LARP1: variants seen among roughly 807,000 people sequenced by gnomAD.
LARP1 encodes the protein La ribonucleoprotein 1, translational regulator.
In LARP1, 36 loss-of-function variants were observed where a neutral mutation model predicts 122.7. The observed-to-expected ratio is 0.29, with a 90% CI of 0.22 to 0.39. LARP1 has a LOEUF of 0.39. Ranked by LOEUF, LARP1 falls within the 10% of genes least tolerant of loss-of-function variation. LARP1 has a pLI of 1.00. For synonymous variants in LARP1, 539 were observed against 528.7 expected (o/e 1.02, Z -0.27); for missense variants, 1,040 against 1,403.6 (o/e 0.74, Z 4.14).
chr5:154,793,808 T>A lies in LARP1; in HGVS notation c.877T>A (p.Ser293Thr). 2 of 1,614,034 alleles carry A rather than the reference T, an allele frequency of 1.2e-6. No individual in the cohort carries two copies. The highest frequency in any genetic ancestry group is 1.7e-6 in the Non-Finnish European group (2 of 1,179,984). Residue 293 changes from serine (S) to threonine (T), a missense_variant, in exon 6 of 19, where the codon TCT becomes ACT. Physicochemically the swap from Ser to Thr is moderately conservative, Grantham distance 58 (BLOSUM62 1). This residue lies in a region of LARP1 where 178 missense variants were observed against 178.3 expected (regional missense o/e 1.00). Transcript: ENST00000518297. ...TACCCCTCTCCCCATAGGGTCTGAG[T>A]CTGCCACCTACGTGCCCGTGGCCCC... The part of the protein sequence containing the change: ...ANRGEIKGSE[S>T]ATYVPVAPPT...
chr5:154,698,598 A>AAAATAAAT (rs374624756), intron 1 of LARP1, among the ~76,000 whole-genome samples: 2 of 152,292 alleles, frequency 1.3e-5, no homozygotes, highest in African/African-American at 4.8e-5. Context: ...GCTGTGTCTC[A>AAAATAAAT]AAATAAATAA....
chr5:154,767,477 CAG>C (rs891173929), intron 1 of LARP1, among the ~76,000 whole-genome samples: 3 of 152,156 alleles, frequency 2.0e-5, no homozygotes, highest in African/African-American at 7.2e-5. Context: ...CGTGAACTCT[CAG>C]AGCCAGTTTT....
At chr5:154,756,837 C>T (rs77952277) in intron 1 of LARP1, among the ~76,000 whole-genome samples, 1 of 152,138 alleles carries the variant, frequency 6.6e-6, no homozygotes, top group East Asian at 1.9e-4. Context: ...TCCCCGATCC[C>T]GGGCACCTTC....
intron 15 of LARP1, among the ~76,000 whole-genome samples, chr5:154,806,940 C>A (rs1036273868): frequency 6.6e-6 from 1 of 152,140 alleles, no homozygotes. Flanking sequence ...AAATGCTATG[C>A]CCCTTACCAG....
intron 1 of LARP1, among the ~76,000 whole-genome samples, chr5:154,756,763 A>G (rs1269037002): frequency 6.6e-6 from 1 of 151,822 alleles, no homozygotes; most frequent in African/African-American, 2.4e-5. Flanking sequence ...CCATTTGGAG[A>G]CGGGTTGAGG....
chr5:154,796,126 T>C (rs573891042), intron 8 of LARP1, among the ~76,000 whole-genome samples: 3 of 108,146 alleles, frequency 2.8e-5, no homozygotes, highest in African/African-American at 1.0e-4. Flanking sequence ...ATATATTATA[T>C]ATATTTTATA....
At chr5:154,695,873 G>GA (rs372124931) in intron 1 of LARP1, among the ~76,000 whole-genome samples, 3,437 of 145,244 alleles carry the variant, frequency 0.024, 133 homozygotes, top group African/African-American at 0.08. Flanking sequence ...ACTCTATCTC[G>GA]AAAAAAAAAA....
At chr5:154,778,005 T>TAA (rs1756061203) in intron 1 of LARP1, among the ~76,000 whole-genome samples, 1 of 152,178 alleles carries the variant, frequency 6.6e-6, no homozygotes, top group Non-Finnish European at 1.5e-5. Flanking sequence ...CTCACGCCTG[T>TAA]AATCCCAGCA....
intron 1 of LARP1, among the ~76,000 whole-genome samples, chr5:154,779,569 C>T (rs548280708): frequency 2.0e-4 from 29 of 143,266 alleles, no homozygotes; most frequent in African/African-American, 7.1e-4. Context: ...AGTGCAGTGG[C>T]GCAATCTCGG....
rs575390303 is a variant in LARP1, at chr5:154,713,444, G to A, written c.205+314G>A. ...CCTCTTCTATGTGAATTGTGGCCCTGTAATAGCCAATCAGTGTTTTTTGGT... is the reference window on the plus strand; with the variant it reads ...CCTCTTCTATGTGAATTGTGGCCCTATAATAGCCAATCAGTGTTTTTTGGT... On this transcript the variant is annotated intron_variant, in intron 1 of 18. Coordinates refer to the LARP1 transcript ENST00000336314. Among the ~76,000 whole-genome samples, 4 of 152,304 alleles carry A rather than the reference G, an allele frequency of 2.6e-5. No homozygotes were observed. The South Asian group carries it at 8.3e-4, about 32-fold the overall frequency.
chr5:154,707,383 C>T (rs1755001785), intron 1 of LARP1, among the ~76,000 whole-genome samples: 1 of 152,196 alleles, frequency 6.6e-6, no homozygotes, highest in African/African-American at 2.4e-5. Flanking sequence ...ATGGGAGTCT[C>T]TTTGACACAA....
intron 1 of LARP1, among the ~76,000 whole-genome samples, chr5:154,737,638 T>A (rs1002451975): frequency 3.3e-5 from 5 of 152,048 alleles, no homozygotes; most frequent in Admixed American, 6.6e-5. Flanking sequence ...AGACGGGATT[T>A]CACCTTGTTG....
At chr5:154,769,906 A>T (rs1435894078) in intron 1 of LARP1, among the ~76,000 whole-genome samples, 1 of 152,204 alleles carries the variant, frequency 6.6e-6, no homozygotes, top group Non-Finnish European at 1.5e-5. Flanking sequence ...CTGGAGGAAT[A>T]ACAAGTACCA....
At chr5:154,738,618 G>A (rs1397504917) in intron 1 of LARP1, among the ~76,000 whole-genome samples, 1 of 152,044 alleles carries the variant, frequency 6.6e-6, no homozygotes, top group African/African-American at 2.4e-5. Flanking sequence ...AACAGCAGCT[G>A]TTACAGCAAT....
At chr5:154,800,300 T>C (rs1366620293) in intron 10 of LARP1, among the ~76,000 whole-genome samples, 3 of 152,250 alleles carry the variant, frequency 2.0e-5, no homozygotes, top group Admixed American at 2.0e-4. Flanking sequence ...TAAGGGATCA[T>C]GCAGCATCTG....
At chr5:154,693,665 C>T (rs572642801) in intron 1 of LARP1, among the ~76,000 whole-genome samples, 3 of 152,146 alleles carry the variant, frequency 2.0e-5, no homozygotes, top group Admixed American at 2.0e-4. Context: ...ACCATCCTGG[C>T]TAACACAATG....
intron 1 of LARP1, among the ~76,000 whole-genome samples, chr5:154,716,080 C>A (rs1349961877): frequency 6.6e-6 from 1 of 152,076 alleles, no homozygotes; most frequent in Non-Finnish European, 1.5e-5. Context: ...GACTGCAGTT[C>A]TCGGTTGTGT....
upstream of LARP1, among the ~76,000 whole-genome samples, chr5:154,753,812 T>G (rs576806288): frequency 2.0e-5 from 3 of 152,246 alleles, no homozygotes; most frequent in Non-Finnish European, 2.9e-5. Context: ...TCCCCCATAC[T>G]GGTTACAACA....
chr5:154,758,946 TC>T (rs1304060395), intron 1 of LARP1, among the ~76,000 whole-genome samples: 2 of 152,158 alleles, frequency 1.3e-5, no homozygotes, highest in Non-Finnish European at 2.9e-5. Flanking sequence ...TCTCCCTCCC[TC>T]CCCAGAGTAT....
Sources: allele counts gnomAD v4.1 joint callset (sites outside exome capture counted in the v4.1 genomes callset), GRCh38; gene constraint gnomAD v4.1.1; regional missense constraint gnomAD v4.1.1; transcripts MANE v1.5; gene names NCBI Gene and HGNC (gene_info 2026-07-23, HGNC 2026-07-21).